ATXN7L1: variants seen among roughly 807,000 people sequenced by gnomAD.
The protein encoded by ATXN7L1 is ataxin-7-like protein 1.
Under a neutral mutation model 70.8 loss-of-function variants are expected in ATXN7L1, and 15 were observed. The ratio of observed to expected loss-of-function variants is 0.21; its 90% CI spans 0.14 to 0.33. ATXN7L1 has a LOEUF of 0.33. ATXN7L1 is among the 10% of genes least tolerant of loss of function. The pLI is 1.00. For synonymous variants in ATXN7L1, 440 were observed against 445.1 expected (o/e 0.99, Z 0.14); for missense variants, 975 against 1,097.1 (o/e 0.89, Z 1.57).
At chr7:105,816,241 G>T (rs1809175444) in intron 2 of ATXN7L1, among the ~76,000 whole-genome samples, 1 of 152,098 alleles carries the variant, frequency 6.6e-6, no homozygotes, top group African/African-American at 2.4e-5. Context: ...ATAACAAAAA[G>T]ATTTTAAAGA....
At chr7:105,651,333 C>A (rs1177681895) in intron 4 of ATXN7L1, among the ~76,000 whole-genome samples, 1 of 152,196 alleles carries the variant, frequency 6.6e-6, no homozygotes, top group Non-Finnish European at 1.5e-5. Flanking sequence ...AGCATAGTGC[C>A]AGGCACATAG....
chr7:105,634,180 C>T (rs2115872018), intron 7 of ATXN7L1, among the ~76,000 whole-genome samples: 1 of 152,250 alleles, frequency 6.6e-6, no homozygotes, highest in African/African-American at 2.4e-5. Context: ...CACAGTCACG[C>T]AAGTTTGTTT....
Position 105,614,124 on chromosome 7 carries a change from C to T in ATXN7L1, c.2210G>A (p.Gly737Glu). Reference sequence around the variant, plus strand: ...GAGGGGACAGGAGTCACTGCTGCCTCCCACCGCGCCCACCTGTCTCACTAT... The same window carrying T: ...GAGGGGACAGGAGTCACTGCTGCCTTCCACCGCGCCCACCTGTCTCACTAT... The part of the protein sequence containing the change: ...ADIVRQVGAV[G>E]GSSDSCPLSV... The change falls in exon 10 of 12, where the codon GGA becomes GAA. Residue 737 changes from glycine to glutamate, a missense_variant. By Grantham distance (98) the Gly-to-Glu change is moderately conservative. Coordinates refer to ENST00000419735, the MANE Select transcript of ATXN7L1 (RefSeq NM_020725.2). The surrounding 1 kb of genome is among the most constrained non-coding windows in gnomAD (Gnocchi z 4.3). 1 of 1,551,552 alleles carries T rather than the reference C, an allele frequency of 6.4e-7. No individual in the cohort carries two copies. The highest frequency in any genetic ancestry group is 8.7e-7 in the Non-Finnish European group (1 of 1,146,944).
chr7:105,813,824 T>C (rs1485126096), intron 2 of ATXN7L1, among the ~76,000 whole-genome samples: 1 of 152,102 alleles, frequency 6.6e-6, no homozygotes, highest in Non-Finnish European at 1.5e-5. Context: ...TCTCTTTTTT[T>C]CCCCCAGTAT....
chr7:105,853,657 G>A (rs548658284), intron 2 of ATXN7L1, among the ~76,000 whole-genome samples: 8 of 150,668 alleles, frequency 5.3e-5, no homozygotes, highest in South Asian at 2.1e-4. Context: ...CCAGTTACTC[G>A]GGAGGCTGAG....
At chr7:105,864,204 C>A (rs907895004) in intron 2 of ATXN7L1, among the ~76,000 whole-genome samples, 2 of 151,868 alleles carry the variant, frequency 1.3e-5, no homozygotes, top group Non-Finnish European at 2.9e-5. Flanking sequence ...ACCTGTAATC[C>A]CAGAACTTTG....
At chr7:105,810,450 G>C (rs1042195606) in intron 2 of ATXN7L1, among the ~76,000 whole-genome samples, 1 of 152,204 alleles carries the variant, frequency 6.6e-6, no homozygotes, top group Non-Finnish European at 1.5e-5. Flanking sequence ...AGGGTAAAGT[G>C]TTATAAAAAA....
intron 4 of ATXN7L1, among the ~76,000 whole-genome samples, chr7:105,663,286 T>C (rs1191491317): frequency 5.9e-5 from 9 of 152,326 alleles, no homozygotes; most frequent in African/African-American, 1.9e-4. Context: ...GAACAAAGCT[T>C]GCCCACGAGG....
At chr7:105,731,226 C>T (rs974018945) in intron 3 of ATXN7L1, among the ~76,000 whole-genome samples, 7 of 152,274 alleles carry the variant, frequency 4.6e-5, no homozygotes, top group Admixed American at 2.6e-4. Flanking sequence ...TGGGTCTCAT[C>T]CCCAAGACGG....
intron 2 of ATXN7L1, among the ~76,000 whole-genome samples, chr7:105,803,393 C>T (rs1186834197): frequency 1.3e-5 from 2 of 152,234 alleles, no homozygotes; most frequent in Admixed American, 1.3e-4. Context: ...CTGGCCCCAC[C>T]CTGATGTCCA....
chr7:105,684,091 G>A (rs915169378), intron 3 of ATXN7L1, among the ~76,000 whole-genome samples: 2 of 152,164 alleles, frequency 1.3e-5, no homozygotes, highest in African/African-American at 4.8e-5. Context: ...CCAGATAAGC[G>A]GTGAGCCAGG....
At chr7:105,862,736 C>T (rs1470709773) in intron 2 of ATXN7L1, among the ~76,000 whole-genome samples, 2 of 152,110 alleles carry the variant, frequency 1.3e-5, no homozygotes, top group African/African-American at 4.8e-5. Flanking sequence ...GGGGTGACAC[C>T]AGCTCCTCTG....
At chr7:105,720,074 A>T (rs1795007229) in intron 3 of ATXN7L1, among the ~76,000 whole-genome samples, 1 of 152,206 alleles carries the variant, frequency 6.6e-6, no homozygotes, top group Non-Finnish European at 1.5e-5. Context: ...TTGGATCTGG[A>T]GCCAGGAGTG....
At chr7:105,734,611 T>G (rs999344252) in intron 3 of ATXN7L1, among the ~76,000 whole-genome samples, 2 of 151,864 alleles carry the variant, frequency 1.3e-5, no homozygotes, top group Non-Finnish European at 2.9e-5. Context: ...TGTGCTGTTC[T>G]GAAGTTTTAG....
At chr7:105,615,714 T>A (rs1793787984) in intron 9 of ATXN7L1, among the ~76,000 whole-genome samples, 1 of 152,076 alleles carries the variant, frequency 6.6e-6, no homozygotes, top group Non-Finnish European at 1.5e-5. Flanking sequence ...GGATTTCTAG[T>A]TTGTTCTGAA....
At chr7:105,645,754 A>G (rs1406087160) in intron 4 of ATXN7L1, among the ~76,000 whole-genome samples, 2 of 152,020 alleles carry the variant, frequency 1.3e-5, no homozygotes, top group African/African-American at 4.8e-5. Context: ...CAGAGCTTAC[A>G]GTGAGCCGAG....
chr7:105,727,999 A>C (rs936133977), intron 3 of ATXN7L1, among the ~76,000 whole-genome samples: 1 of 151,828 alleles, frequency 6.6e-6, no homozygotes, highest in Admixed American at 6.6e-5. Context: ...TAATGTAAAA[A>C]TTATTTTTAA....
chr7:105,820,087 G>A (rs1809887737), intron 2 of ATXN7L1: 2 of 352,466 alleles, frequency 5.7e-6, no homozygotes, highest in Non-Finnish European at 1.1e-5. Flanking sequence ...CAAGACCCAT[G>A]GACTCCTGAT....
intron 3 of ATXN7L1, among the ~76,000 whole-genome samples, chr7:105,735,190 T>A (rs777684393): frequency 6.6e-6 from 1 of 152,108 alleles, no homozygotes; most frequent in Non-Finnish European, 1.5e-5. Context: ...AATAACAACA[T>A]CTACAATAAT....
Sources: gnomAD v4.1 joint callset for allele counts (sites outside exome capture counted in the v4.1 genomes callset) on GRCh38, gnomAD v4.1.1 for gene constraint, Gnocchi (gnomAD v3.1) non-coding constraint, MANE v1.5 for transcripts, NCBI Gene and HGNC (gene_info 2026-07-23, HGNC 2026-07-21) for gene names.